XKR9: variants seen among roughly 807,000 people sequenced by gnomAD.
The protein encoded by XKR9 is XK related 9, also known as XK-related protein 9.
XKR9 carries 32 observed loss-of-function variants against 32.0 expected under a neutral mutation model. That is an observed-to-expected ratio of 1.00 (90% CI 0.76 to 1.34). XKR9 has a LOEUF of 1.34. Ranked by LOEUF, XKR9 falls within the 40% of genes most tolerant of loss-of-function variation. The probability of loss-of-function intolerance (pLI) is 0.00; values close to 1 mark genes in which losing one functional copy is unlikely to be tolerated. For synonymous variants in XKR9, 168 were observed against 143.4 expected (o/e 1.17, Z -1.22); for missense variants, 546 against 429.7 (o/e 1.27, Z -2.39).
At chr8:70,741,481 G>A (rs1283514831) in intron 2 of XKR9, among the ~76,000 whole-genome samples, 1 of 152,132 alleles carries the variant, frequency 6.6e-6, no homozygotes, top group Non-Finnish European at 1.5e-5. Flanking sequence ...ACATGTAAGT[G>A]TATTCATATT....
chr8:70,908,265 G>A, the XKR9 span, among the ~76,000 whole-genome samples: 4 of 152,060 alleles, frequency 2.6e-5, no homozygotes, highest in African/African-American at 9.7e-5. Context: ...ATACAGAAAG[G>A]AAATTTTATA....
chr8:70,884,410 A>G, the XKR9 span, among the ~76,000 whole-genome samples: 1 of 152,138 alleles, frequency 6.6e-6, no homozygotes, highest in Admixed American at 6.5e-5. Context: ...TTTACAGATG[A>G]TGCTTTGCTT....
rs530606803 is a variant in XKR9, at chr8:70,779,857, A to C, written n.353-9482A>C. On this transcript the variant is annotated intron_variant and non_coding_transcript_variant, in intron 2 of 3. Coordinates refer to the XKR9 transcript ENST00000520273. ...ATTCTTCTCTCTTTTCTTCTTTATT[A>C]GTCTTGCTAGCAGTGTATCTGTTTT... Among the ~76,000 whole-genome samples, 4 of 151,986 alleles carry C rather than the reference A, an allele frequency of 2.6e-5. No individual in the cohort carries two copies. The East Asian group carries it at 5.8e-4, about 22-fold the overall frequency.
At chr8:70,959,761 C>T in the XKR9 span, among the ~76,000 whole-genome samples, 3 of 152,136 alleles carry the variant, frequency 2.0e-5, no homozygotes, top group Admixed American at 6.5e-5. Flanking sequence ...GGCTGAACAT[C>T]GTTTTCTATA....
At chr8:70,776,961 A>ATATATATATATG (rs796746390) in intron 2 of XKR9, among the ~76,000 whole-genome samples, 1,897 of 87,912 alleles carry the variant, frequency 0.022, 38 homozygotes, top group Non-Finnish European at 0.029. Context: ...ATATATATAT[A>ATATATATATATG]TATGTATGTA....
At chr8:70,819,131 G>C in the XKR9 span, among the ~76,000 whole-genome samples, 2 of 152,182 alleles carry the variant, frequency 1.3e-5, no homozygotes, top group African/African-American at 4.8e-5. Flanking sequence ...GCTTGGATCT[G>C]TTCTTTCACG....
intron 2 of XKR9, among the ~76,000 whole-genome samples, chr8:70,762,526 C>T (rs35074484): frequency 1.2e-4 from 18 of 151,970 alleles, no homozygotes; most frequent in South Asian, 6.2e-4. Flanking sequence ...GAGAATCTAA[C>T]GCCAGATGAT....
chr8:71,016,946 A>G, the XKR9 span, among the ~76,000 whole-genome samples: 1 of 152,172 alleles, frequency 6.6e-6, no homozygotes. Flanking sequence ...TGGTTTCCTT[A>G]GGAAAAAGTA....
At chr8:70,792,485 T>G (rs557231694), downstream of XKR9, among the ~76,000 whole-genome samples, 16 of 152,200 alleles carry the variant, frequency 1.1e-4, no homozygotes, top group Non-Finnish European at 1.6e-4. Flanking sequence ...TCATGTACTG[T>G]GCCAGATGAT....
the XKR9 span, among the ~76,000 whole-genome samples, chr8:70,928,628 C>T: frequency 6.6e-6 from 1 of 152,184 alleles, no homozygotes. Context: ...CCTGGGTGCT[C>T]TTCCCTAGTC....
chr8:70,968,790 C>A, the XKR9 span, among the ~76,000 whole-genome samples: 7 of 152,208 alleles, frequency 4.6e-5, no homozygotes, highest in South Asian at 1.4e-3. Context: ...GCCTGTGAAA[C>A]AACAAAGATA....
the XKR9 span, among the ~76,000 whole-genome samples, chr8:70,925,224 A>G: frequency 2.0e-5 from 3 of 152,188 alleles, no homozygotes; most frequent in East Asian, 1.9e-4. Context: ...CGACTAGACT[A>G]TATGCTCCTC....
the XKR9 span, among the ~76,000 whole-genome samples, chr8:70,974,159 A>G: frequency 5.9e-5 from 9 of 151,426 alleles, no homozygotes; most frequent in East Asian, 1.7e-3. Context: ...TTAGGTGGGT[A>G]TATATTTAGA....
At chr8:70,868,686 T>G in the XKR9 span, among the ~76,000 whole-genome samples, 3 of 152,176 alleles carry the variant, frequency 2.0e-5, no homozygotes, top group African/African-American at 7.2e-5. Context: ...TGGAGACATT[T>G]TCTTTATTGT....
At chr8:70,857,891 A>G in the XKR9 span, among the ~76,000 whole-genome samples, 1 of 152,190 alleles carries the variant, frequency 6.6e-6, no homozygotes, top group African/African-American at 2.4e-5. Context: ...TAGATGCAGA[A>G]AAGGCCTTTG....
At chr8:71,025,625 C>T in the XKR9 span, among the ~76,000 whole-genome samples, 1 of 152,326 alleles carries the variant, frequency 6.6e-6, no homozygotes, top group South Asian at 2.1e-4. Flanking sequence ...ACAAGCATGT[C>T]CAAGGCTCCC....
At chr8:70,755,437 C>G (rs1328491102) in intron 2 of XKR9, among the ~76,000 whole-genome samples, 1 of 152,130 alleles carries the variant, frequency 6.6e-6, no homozygotes, top group Admixed American at 6.6e-5. Flanking sequence ...ATAAATCATG[C>G]TGTTATAAAG....
chr8:70,747,867 G>A (rs941209645), intron 2 of XKR9, among the ~76,000 whole-genome samples: 3 of 152,072 alleles, frequency 2.0e-5, no homozygotes, highest in African/African-American at 7.2e-5. Context: ...CCCAGTTTCT[G>A]CATATGTAAA....
chr8:70,739,100 T>A (rs1806916813), downstream of XKR9, among the ~76,000 whole-genome samples: 1 of 152,038 alleles, frequency 6.6e-6, no homozygotes, highest in African/African-American at 2.4e-5. Context: ...TGTGTGGGAA[T>A]CTAAGTCTGT....
Sources: allele counts gnomAD v4.1 joint callset (sites outside exome capture counted in the v4.1 genomes callset), GRCh38; gene constraint gnomAD v4.1.1; transcripts MANE v1.5; gene names NCBI Gene and HGNC (gene_info 2026-07-23, HGNC 2026-07-21).